EPG5: variants seen among roughly 807,000 people sequenced by gnomAD.
The protein encoded by EPG5 is ectopic P granules protein 5 homolog.
In EPG5, 159 loss-of-function variants were observed where a neutral mutation model predicts 302.7. The ratio of observed to expected loss-of-function variants is 0.53; its 90% CI spans 0.46 to 0.60. The LOEUF (loss-of-function observed/expected upper bound fraction) is 0.60, where lower values mean the gene tolerates loss of function less well. Ranked by LOEUF, EPG5 falls within the 20% of genes least tolerant of loss-of-function variation. The pLI is 0.00. For synonymous variants in EPG5, 1,158 were observed against 1,136.8 expected, an observed-to-expected ratio of 1.02 and a Z score of -0.37; for missense variants, 2,896 against 3,092.4, an observed-to-expected ratio of 0.94 and a Z score of 1.51.
intron 1 of EPG5, among the ~76,000 whole-genome samples, chr18:45,961,424 G>A (rs1224219320): frequency 6.6e-6 from 1 of 152,092 alleles, no homozygotes; most frequent in Non-Finnish European, 1.5e-5. Flanking sequence ...CTGCCTCCTT[G>A]CAGTTCCAAG....
chr18:45,824,635 C>T, the EPG5 span, among the ~76,000 whole-genome samples: 2 of 152,200 alleles, frequency 1.3e-5, no homozygotes, highest in African/African-American at 4.8e-5. Flanking sequence ...AGAAGGGATA[C>T]AGCCTGAGCC....
chr18:45,881,051 G>A (rs1293140350), intron 31 of EPG5, among the ~76,000 whole-genome samples: 2 of 152,206 alleles, frequency 1.3e-5, no homozygotes, highest in Non-Finnish European at 2.9e-5. Context: ...CAGAGGGAAT[G>A]AATGCAGTAG....
In EPG5 at chr18:45,851,159, C is replaced by T. The variant is rs544141998; in HGVS notation, c.*1308G>A. On this transcript the variant is annotated 3_prime_UTR_variant, in exon 44 of 44. Transcript: ENST00000282041. ...GCACTCTGTTAACTATATTCCTATA[C>T]CCCTATAAACATTCTTGGTGGCTGT... The T allele has an allele frequency of 6.6e-6, 1 of 152,186 alleles. No individual in the cohort carries two copies. The highest frequency in any genetic ancestry group is 1.9e-4 in the East Asian group (1 of 5,200). The allele number at this position is 152,186 out of a possible 1,614,324, so 9.4% of individuals were successfully genotyped here. A position where few individuals can be genotyped will look rare whatever the true frequency, so the allele number is the denominator to read the frequency against.
downstream of EPG5, among the ~76,000 whole-genome samples, chr18:45,844,457 TC>T (rs1208392483): frequency 3.9e-5 from 6 of 152,186 alleles, no homozygotes; most frequent in Non-Finnish European, 7.3e-5. Context: ...GATACGCCAA[TC>T]CCTGATTTGA....
chr18:45,944,038 G>C lies in EPG5; in HGVS notation c.1759C>G (p.Leu587Val). Residue 587 changes from leucine to valine, a missense_variant, in exon 8 of 44, where the codon CTC (leucine) becomes GTC (valine). Physicochemically the swap from Leu to Val is conservative, Grantham distance 32. Transcript: ENST00000282041. ...TTAAACCCAAGAAGATGCTGAAAGA[G>C]TTCATGAAAGGGGAACTGTGCTAAA... Reference protein sequence around the residue: ...TILAQFPFHELFQHLLGFKAK... With the variant: ...TILAQFPFHEVFQHLLGFKAK... 1.2e-6 allele frequency: 2 copies of C among 1,613,656 alleles called. No individual in the cohort carries two copies. Among genetic ancestry groups the C allele is most frequent in the Non-Finnish European group, 1.7e-6 (2 of 1,179,568 alleles).
intron 41 of EPG5, 102 bp from the exon 42 acceptor site, chr18:45,858,170 T>C (rs2048557023): frequency 1.2e-6 from 1 of 855,748 alleles, no homozygotes; most frequent in Non-Finnish European, 1.8e-6. Context: ...AGACATTCAG[T>C]ACTTCAAAAG....
chr18:45,877,819 G>C (rs1487810884), intron 34 of EPG5, among the ~76,000 whole-genome samples: 1 of 152,034 alleles, frequency 6.6e-6, no homozygotes, highest in Non-Finnish European at 1.5e-5. Context: ...TACCACTGTC[G>C]TAATTTTTAT....
At chr18:45,939,810 T>C (rs2050622748) in intron 9 of EPG5, 55 bp from the exon 10 acceptor site, 18 of 1,478,444 alleles carry the variant, frequency 1.2e-5, no homozygotes, top group Non-Finnish European at 1.7e-5. Flanking sequence ...ATCTGCACCT[T>C]TATATTACAT....
At chr18:45,801,365 C>T in the EPG5 span, among the ~76,000 whole-genome samples, 1 of 152,120 alleles carries the variant, frequency 6.6e-6, no homozygotes, top group Non-Finnish European at 1.5e-5. Context: ...GACAGGGTCT[C>T]ACTATGTTGT....
At chr18:45,937,512 T>C (rs1020966498) in intron 10 of EPG5, among the ~76,000 whole-genome samples, 2 of 152,118 alleles carry the variant, frequency 1.3e-5, no homozygotes, top group South Asian at 2.1e-4. Flanking sequence ...GTTCAAGCGA[T>C]TCTTCTGCCT....
intron 31 of EPG5, among the ~76,000 whole-genome samples, chr18:45,882,059 T>TA (rs2049110005): frequency 6.6e-6 from 1 of 152,204 alleles, no homozygotes; most frequent in African/African-American, 2.4e-5. Flanking sequence ...CTTGCCCAAT[T>TA]AGAGCCCATT....
chr18:45,804,576 T>C, the EPG5 span, among the ~76,000 whole-genome samples: 1 of 152,340 alleles, frequency 6.6e-6, no homozygotes, highest in African/African-American at 2.4e-5. Context: ...TGATTTCTTA[T>C]ATCAGAAGCA....
chr18:45,927,630 A>ACACACACG (rs1263212808), intron 13 of EPG5, among the ~76,000 whole-genome samples: 5 of 151,496 alleles, frequency 3.3e-5, no homozygotes, highest in Admixed American at 1.3e-4. Flanking sequence ...ACACACACAC[A>ACACACACG]CACGCACCAA....
At chr18:45,855,044 A>G (rs535094660) in intron 43 of EPG5, among the ~76,000 whole-genome samples, 148 of 151,950 alleles carry the variant, frequency 9.7e-4, no homozygotes, top group Non-Finnish European at 1.8e-3. Flanking sequence ...TCCATAGGTT[A>G]TAGGAATGTG....
In EPG5 at chr18:45,946,564, A is replaced by C; in HGVS notation, c.1677+99T>G. The C allele has an allele frequency of 3.4e-6, 3 of 870,446 alleles. No individual in the cohort carries two copies. The South Asian group carries it at 4.7e-5, about 13-fold the overall frequency. 53.9% of individuals were successfully genotyped at this position (870,446 alleles called of 1,614,324 possible). ...TTTACCTCATGGAGTTGCTGAGAGAATTAAATGAGATACTATGTGAAAAGT... is the reference window on the plus strand; with the variant it reads ...TTTACCTCATGGAGTTGCTGAGAGACTTAAATGAGATACTATGTGAAAAGT... On this transcript the variant is annotated intron_variant, in intron 7 of 43. Transcript: ENST00000282041.
rs973189670 is a variant in EPG5 at position 45,928,099 on chromosome 18, G to A, written c.2553+770C>T. On this transcript the variant is annotated intron_variant, in intron 13 of 43. Coordinates refer to ENST00000282041, the MANE Select transcript of EPG5 (RefSeq NM_020964.3). Reference sequence around the variant, plus strand: ...TAATCCCAGCTACTTGGGAGGCTGAGATAGGAGAATCACTTGAACCTGGGA... The same window carrying A: ...TAATCCCAGCTACTTGGGAGGCTGAAATAGGAGAATCACTTGAACCTGGGA... 2.0e-5 allele frequency among the ~76,000 whole-genome samples: 3 copies of A among 152,142 alleles called. No individual in the cohort carries two copies. In the East Asian group the frequency reaches 5.8e-4, roughly 29 times the overall value.
intron 1 of EPG5, 138 bp from the exon 2 acceptor site, chr18:45,955,476 T>G: frequency 1.7e-6 from 1 of 599,976 alleles, no homozygotes; most frequent in Non-Finnish European, 2.9e-6. Context: ...TCAGTGTTTT[T>G]GAACAGATAT....
At chr18:45,929,319 T>C (rs1165398926) in intron 12 of EPG5, among the ~76,000 whole-genome samples, 1 of 152,208 alleles carries the variant, frequency 6.6e-6, no homozygotes, top group African/African-American at 2.4e-5. Flanking sequence ...TTTCTAAATC[T>C]GAGGAAATCA....
chr18:45,864,743 T>C (rs2048710299), intron 39 of EPG5, among the ~76,000 whole-genome samples: 1 of 152,252 alleles, frequency 6.6e-6, no homozygotes, highest in South Asian at 2.1e-4. Context: ...AGATTGAGGT[T>C]GTTGTTATTA....
Sources: gnomAD v4.1 joint callset for allele counts (sites outside exome capture counted in the v4.1 genomes callset) on GRCh38, gnomAD v4.1.1 for gene constraint, MANE v1.5 for transcripts, NCBI Gene and HGNC (gene_info 2026-07-23, HGNC 2026-07-21) for gene names.